The following TAX1BP3 variants were observed in gnomAD, a reference collection of about 807,000 sequenced individuals.
TAX1BP3 encodes the protein Tax1 binding protein 3.
TAX1BP3 carries 13 observed loss-of-function variants against 15.3 expected under a neutral mutation model. The ratio of observed to expected loss-of-function variants is 0.85; its 90% CI spans 0.55 to 1.35. The LOEUF is 1.35. Among genes scored for constraint, TAX1BP3 ranks in the 40% most tolerant of loss-of-function variants. TAX1BP3 has a pLI of 0.00. For missense variants in TAX1BP3, 147 were observed against 169.6 expected (o/e 0.87, Z 0.74); for synonymous variants, 70 against 66.0 (o/e 1.06, Z -0.30).
chr17:3,668,434 TC>T lies in TAX1BP3; in HGVS notation c.39+53del. On this transcript the variant is annotated intron_variant, in intron 1 of 3. Transcript: ENST00000225525. This position sits in a 1 kb window ranked among gnomAD's most constrained non-coding sequence, Gnocchi z 4.1. ...CCTGCTTGGGGTGTCCGTTTCCCGCTCTGCGAGGTGGGGTCAGGCCAAGACG... is the reference window on the plus strand; with the variant it reads ...CCTGCTTGGGGTGTCCGTTTCCCGCTTGCGAGGTGGGGTCAGGCCAAGACG... 6.3e-7 allele frequency: 1 copy of T among 1,590,636 alleles called. No individual in the cohort carries two copies.
At position 3,664,685 on chromosome 17, in the gene TAX1BP3, C is replaced by G; in HGVS notation, c.153G>C (p.Thr51=). The change falls in exon 2 of 4, where the codon ACG becomes ACC. Residue 51 remains threonine, a synonymous_variant. Transcript: ENST00000225525. Reference sequence around the variant, plus strand: ...GGACCCCAGACCCCCTCACCTTGTCCGTCTTGTCTTCAGAGAAGGGATTCT... The same window carrying G: ...GGACCCCAGACCCCCTCACCTTGTCGGTCTTGTCTTCAGAGAAGGGATTCT... ...PSQNPFSEDK[T]DKGIYVTRVS... The G allele has an allele frequency of 1.2e-6, 2 of 1,613,730 alleles. No homozygotes were observed. The highest frequency in any genetic ancestry group is 1.7e-6 in the Non-Finnish European group (2 of 1,179,900).
chr17:3,665,975 T>TTCTGGGGCATTCCCACCATGC (rs1212263092), intron 1 of TAX1BP3, among the ~76,000 whole-genome samples: 22 of 152,168 alleles, frequency 1.4e-4, no homozygotes, highest in Admixed American at 1.1e-3. Flanking sequence ...GAAACGAGTG[T>TTCTGGGGCATTCCCACCATGC]TCTGGGGCAT....
chr17:3,664,621 C>T, intron 2 of TAX1BP3, 58 bp downstream of exon 2: 1 of 1,602,518 alleles, frequency 6.2e-7, no homozygotes. Context: ...AAGCAGAGAC[C>T]CACCATCTCA....
chr17:3,664,864 A>C, intron 1 of TAX1BP3, 66 bp from the exon 2 acceptor site: 1 of 1,575,342 alleles, frequency 6.3e-7, no homozygotes. Context: ...GGGTGTTCCC[A>C]GCAGCAGCCT....
At chr17:3,664,124 G>T in intron 3 of TAX1BP3, 71 bp downstream of exon 3, 1 of 1,589,570 alleles carries the variant, frequency 6.3e-7, no homozygotes, top group Non-Finnish European at 8.6e-7. Context: ...GGCTGGGGCA[G>T]CTCCCCACCC....
chr17:3,668,479 C>T lies in TAX1BP3; in HGVS notation c.39+9G>A, dbSNP rs73307311. On this transcript the variant is annotated intron_variant, in intron 1 of 3. Coordinates refer to ENST00000225525, the MANE Select transcript of TAX1BP3 (RefSeq NM_014604.4). The surrounding 1 kb of genome is among the most constrained non-coding windows in gnomAD (Gnocchi z 4.1). ...CAAGACGAGGAGGAGCCCGCGCAAG[C>T]GCACTCACCACCACGGCGGTGACCG... is the stretch of plus-strand genomic sequence containing the variant. 460 of 1,608,430 alleles carry T rather than the reference C, an allele frequency of 2.9e-4. 4 individuals carry two copies. In the African/African-American group the frequency reaches 5.4e-3, roughly 19 times the overall value.
At chr17:3,665,433 G>T in intron 1 of TAX1BP3, 2 of 1,438,008 alleles carry the variant, frequency 1.4e-6, no homozygotes, top group Non-Finnish European at 1.9e-6. Context: ...CCAGCATGCT[G>T]TTGGCATTGT....
At chr17:3,664,043 A>G (rs1292062103) in intron 3 of TAX1BP3, 152 bp downstream of exon 3, 4 of 1,417,374 alleles carry the variant, frequency 2.8e-6, no homozygotes, top group African/African-American at 1.4e-5. Flanking sequence ...ACAGGAGAGA[A>G]AGCCAGCGTC....
chr17:3,665,823 C>T lies in TAX1BP3; in HGVS notation c.40-1025G>A, dbSNP rs1026937392. ...ACCAGCGCACAGGGTGCCGTGGATA[C>T]GTGTTCGTGAGACTGGAGTGTCCAG... On this transcript the variant is annotated intron_variant, in intron 1 of 3. Coordinates refer to ENST00000225525, the MANE Select transcript of TAX1BP3 (RefSeq NM_014604.4). 7 of 620,270 alleles carry T rather than the reference C, an allele frequency of 1.1e-5. No homozygotes were observed. The Admixed American group carries it at 1.2e-4, about 10-fold the overall frequency. The allele number at this position is 620,270 out of a possible 1,614,324, so 38.4% of individuals were successfully genotyped here.
chr17:3,665,567 G>C, intron 1 of TAX1BP3: 2 of 1,373,778 alleles, frequency 1.5e-6, no homozygotes, highest in Non-Finnish European at 2.1e-6. Context: ...ATCAGAAAAA[G>C]AAAGAAGCCA....
At chr17:3,665,502 C>T in intron 1 of TAX1BP3, 1 of 1,355,704 alleles carries the variant, frequency 7.4e-7, no homozygotes, top group Non-Finnish European at 1.0e-6. Flanking sequence ...GCGTATTGAG[C>T]ACATAAAGCA....
chr17:3,664,815 C>A lies in TAX1BP3; in HGVS notation c.40-17G>T. 1 of 1,610,980 alleles carries A rather than the reference C, an allele frequency of 6.2e-7. No homozygotes were observed. The highest frequency in any genetic ancestry group is 1.3e-5 in the African/African-American group (1 of 74,944). ...AACTCTTTGCTGGCAAAGAAAAAAGCCAGTTGAGAGAAGTGGGTGGTTGGA... is the reference window on the plus strand; with the variant it reads ...AACTCTTTGCTGGCAAAGAAAAAAGACAGTTGAGAGAAGTGGGTGGTTGGA... On this transcript the variant is annotated splice_polypyrimidine_tract_variant and intron_variant, in intron 1 of 3. Transcript: ENST00000225525.
At position 3,668,443 on chromosome 17, in the gene TAX1BP3, T is replaced by C; in HGVS notation, c.39+45A>G. 3.1e-6 allele frequency: 5 copies of C among 1,596,622 alleles called. No homozygotes were observed. The highest frequency in any genetic ancestry group is 4.3e-6 in the Non-Finnish European group (5 of 1,172,286). On this transcript the variant is annotated intron_variant, in intron 1 of 3. Transcript: ENST00000225525. The surrounding 1 kb of genome is among the most constrained non-coding windows in gnomAD (Gnocchi z 4.1). ...GGTGTCCGTTTCCCGCTCTGCGAGG[T>C]GGGGTCAGGCCAAGACGAGGAGGAG...
At chr17:3,665,292 G>A (rs2076327498) in intron 1 of TAX1BP3, 1 of 1,316,528 alleles carries the variant, frequency 7.6e-7, no homozygotes, top group East Asian at 2.3e-5. Context: ...ACATGGAGAT[G>A]TTCCTTTGGC....
rs551633303 is a variant in TAX1BP3, at chr17:3,663,053, A to G, written c.*695T>C. ...ATGGGCATCTCCAAAGAGTACGATA[A>G]AAACATTTTGTATCAAACTTGTGAT... is the stretch of plus-strand genomic sequence containing the variant. On this transcript the variant is annotated 3_prime_UTR_variant, in exon 4 of 4. Coordinates refer to ENST00000225525, the MANE Select transcript of TAX1BP3 (RefSeq NM_014604.4). 6.6e-6 allele frequency: 1 copy of G among 152,382 alleles called. No homozygotes were observed. Among genetic ancestry groups the G allele is most frequent in the Admixed American group, 6.5e-5 (1 of 15,306 alleles). The allele number at this position is 152,382 out of a possible 1,614,324, so 9.4% of individuals were successfully genotyped here.
At chr17:3,667,119 G>A (rs1167500967) in intron 1 of TAX1BP3, among the ~76,000 whole-genome samples, 1 of 152,128 alleles carries the variant, frequency 6.6e-6, no homozygotes, top group African/African-American at 2.4e-5. Flanking sequence ...TGAGGCAGGT[G>A]GATCACCAGA....
chr17:3,665,608 A>G (rs1597675947), intron 1 of TAX1BP3: 15 of 1,271,140 alleles, frequency 1.2e-5, no homozygotes, highest in Non-Finnish European at 1.7e-5. Flanking sequence ...CAACTAAAGC[A>G]CCAGCCTGCT....
rs1354840976 is a variant in TAX1BP3, at chr17:3,663,702, A to G, written c.*46T>C. The G allele has an allele frequency of 1.9e-6, 3 of 1,575,634 alleles. No homozygotes were observed. Among genetic ancestry groups the G allele is most frequent in the Non-Finnish European group, 2.6e-6 (3 of 1,162,430 alleles). Reference sequence around the variant, plus strand: ...GGGGACAGAGTGTGGAAGTGGCGTTACTGTACAGAGAGGCGGCAGGCAGGA... The same window carrying G: ...GGGGACAGAGTGTGGAAGTGGCGTTGCTGTACAGAGAGGCGGCAGGCAGGA... On this transcript the variant is annotated 3_prime_UTR_variant, in exon 4 of 4. Transcript: ENST00000225525.
chr17:3,664,720 C>A lies in TAX1BP3; in HGVS notation c.118G>T (p.Asp40Tyr). 1 of 1,613,814 alleles carries A rather than the reference C, an allele frequency of 6.2e-7. No individual in the cohort carries two copies. The highest frequency in any genetic ancestry group is 8.5e-7 in the Non-Finnish European group (1 of 1,179,928). ...GFSIGGGIDQDPSQNPFSEDK... is the reference protein window; with the variant it reads ...GFSIGGGIDQYPSQNPFSEDK... ...TCAGAGAAGGGATTCTGGGAAGGAT[C>A]CTGGTCGATTCCACCTCCAATGCTG... is the stretch of plus-strand genomic sequence containing the variant. The change falls in exon 2 of 4, where the codon GAT (aspartate) becomes TAT (tyrosine). Residue 40 changes from aspartate to tyrosine, a missense_variant. Asp to Tyr is a radical substitution (Grantham distance 160). Coordinates refer to ENST00000225525, the MANE Select transcript of TAX1BP3 (RefSeq NM_014604.4).
Sources: allele counts gnomAD v4.1 joint callset (sites outside exome capture counted in the v4.1 genomes callset), GRCh38; gene constraint gnomAD v4.1.1; non-coding constraint Gnocchi (gnomAD v3.1); transcripts MANE v1.5; gene names NCBI Gene and HGNC (gene_info 2026-07-23, HGNC 2026-07-21).